ZBTB20: variants seen among roughly 807,000 people sequenced by gnomAD.
ZBTB20 encodes the protein zinc finger and BTB domain-containing protein 20.
ZBTB20 carries 9 observed loss-of-function variants against 56.9 expected under a neutral mutation model. The observed-to-expected ratio is 0.16, with a 90% CI of 0.10 to 0.28. ZBTB20 has a LOEUF of 0.28. ZBTB20 is among the 10% of genes least tolerant of loss of function. The pLI, the probability that ZBTB20 is intolerant of heterozygous loss-of-function variation, is 1.00. For synonymous variants in ZBTB20, 417 were observed against 420.7 expected (o/e 0.99, Z 0.11); for missense variants, 655 against 1,003.0 (o/e 0.65, Z 4.69).
chr3:114,781,503 G>A (rs557011265), intron 5 of ZBTB20, among the ~76,000 whole-genome samples: 1 of 152,264 alleles, frequency 6.6e-6, no homozygotes, highest in African/African-American at 2.4e-5. Flanking sequence ...TTTTATTTCA[G>A]TAGGATTAAT....
At chr3:114,750,620 G>T (rs565403163) in intron 5 of ZBTB20, among the ~76,000 whole-genome samples, 1 of 152,076 alleles carries the variant, frequency 6.6e-6, no homozygotes, top group Non-Finnish European at 1.5e-5. Context: ...AAAATAGGCA[G>T]CTTGGTACTC....
At chr3:114,615,216 T>C (rs2057849096) in intron 6 of ZBTB20, among the ~76,000 whole-genome samples, 1 of 152,234 alleles carries the variant, frequency 6.6e-6, no homozygotes, top group African/African-American at 2.4e-5. Context: ...ATAAATACTA[T>C]TTGACAATTT....
At chr3:114,638,964 C>T (rs938248739) in intron 6 of ZBTB20, among the ~76,000 whole-genome samples, 4 of 152,014 alleles carry the variant, frequency 2.6e-5, no homozygotes, top group Non-Finnish European at 4.4e-5. Context: ...GAGGAACCAG[C>T]GTTTGTCAAA....
intron 6 of ZBTB20, among the ~76,000 whole-genome samples, chr3:114,575,813 A>G (rs116113530): frequency 7.0e-4 from 106 of 152,340 alleles, no homozygotes; most frequent in African/African-American, 2.5e-3. Context: ...GAAGAGGGGT[A>G]GGGCATAAGA....
chr3:114,731,833 A>G (rs1413370844), intron 5 of ZBTB20, among the ~76,000 whole-genome samples: 1 of 152,098 alleles, frequency 6.6e-6, no homozygotes, highest in East Asian at 1.9e-4. Context: ...TAGATTAGTA[A>G]CTAATCCGGC....
intron 2 of ZBTB20, among the ~76,000 whole-genome samples, chr3:115,029,786 G>C (rs1446009504): frequency 6.6e-6 from 1 of 150,664 alleles, no homozygotes; most frequent in Non-Finnish European, 1.5e-5. Flanking sequence ...AACCATAAAA[G>C]AAATAGAAGC....
chr3:114,906,559 A>T (rs974156442), intron 3 of ZBTB20, among the ~76,000 whole-genome samples: 1 of 149,734 alleles, frequency 6.7e-6, no homozygotes, highest in Non-Finnish European at 1.5e-5. Flanking sequence ...GGGGGATTTT[A>T]TATAATATAA....
intron 1 of ZBTB20, among the ~76,000 whole-genome samples, chr3:115,097,677 A>C (rs72945767): frequency 0.021 from 3,238 of 152,250 alleles, 48 homozygotes; most frequent in South Asian, 0.05. Context: ...GACCTGACCA[A>C]GACTTTGGGG....
intron 7 of ZBTB20, among the ~76,000 whole-genome samples, chr3:114,492,220 C>T (rs1187169463): frequency 2.0e-5 from 3 of 152,160 alleles, no homozygotes; most frequent in South Asian, 2.1e-4. Context: ...GATTCATTTA[C>T]CACTATATGT....
chr3:114,803,789 T>G (rs1260084625), intron 4 of ZBTB20, among the ~76,000 whole-genome samples: 1 of 149,994 alleles, frequency 6.7e-6, no homozygotes, highest in African/African-American at 2.4e-5. Flanking sequence ...GTTTTTTTTT[T>G]TTTTTTTAAT....
intron 3 of ZBTB20, among the ~76,000 whole-genome samples, chr3:114,927,968 T>C (rs891599396): frequency 5.3e-5 from 8 of 152,236 alleles, no homozygotes; most frequent in South Asian, 2.1e-4. Context: ...TGTAACACTA[T>C]TAGGTTATAG....
At chr3:114,723,377 CCCAAGCGACAG>C (rs2065047437) in intron 5 of ZBTB20, among the ~76,000 whole-genome samples, 2 of 152,158 alleles carry the variant, frequency 1.3e-5, no homozygotes, top group African/African-American at 4.8e-5. Context: ...ATTTGGATGG[CCCAAGCGACAG>C]CTTTTCAGAG....
intron 5 of ZBTB20, among the ~76,000 whole-genome samples, chr3:114,765,813 C>T (rs1236782258): frequency 1.3e-5 from 2 of 152,016 alleles, no homozygotes; most frequent in Admixed American, 1.3e-4. Flanking sequence ...AATATCGAAA[C>T]AATAAATGAT....
chr3:114,645,873 G>GT (rs1014337378), intron 6 of ZBTB20, among the ~76,000 whole-genome samples: 1 of 152,016 alleles, frequency 6.6e-6, no homozygotes, highest in Non-Finnish European at 1.5e-5. Context: ...TTCATTCTTA[G>GT]TTTTTTGCCA....
At chr3:114,760,432 CT>C (rs954212634) in intron 5 of ZBTB20, among the ~76,000 whole-genome samples, 5 of 152,096 alleles carry the variant, frequency 3.3e-5, no homozygotes, top group African/African-American at 1.2e-4. Context: ...GATGCATCAA[CT>C]ATTTGTAAAG....
chr3:115,047,492 T>C (rs1217515846), intron 2 of ZBTB20, among the ~76,000 whole-genome samples: 2 of 152,210 alleles, frequency 1.3e-5, no homozygotes, highest in Non-Finnish European at 2.9e-5. Flanking sequence ...TCCAGAAAAC[T>C]ATTCACTATT....
chr3:114,542,144 G>A (rs747475622), intron 6 of ZBTB20, among the ~76,000 whole-genome samples: 1 of 152,106 alleles, frequency 6.6e-6, no homozygotes, highest in Admixed American at 6.6e-5. Flanking sequence ...ACTATGGAAT[G>A]CCCAGATAAC....
chr3:114,824,504 T>C (rs1181731677), intron 4 of ZBTB20, among the ~76,000 whole-genome samples: 2 of 151,956 alleles, frequency 1.3e-5, no homozygotes, highest in Admixed American at 1.3e-4. Context: ...CAAACAGGAA[T>C]TCGGTCTTTC....
intron 1 of ZBTB20, among the ~76,000 whole-genome samples, chr3:115,086,982 A>C (rs1056849470): frequency 1.3e-5 from 2 of 151,820 alleles, no homozygotes; most frequent in African/African-American, 4.8e-5. Context: ...TATCAGTGAG[A>C]AGTTGATCCA....
Sources: gnomAD v4.1 joint callset for allele counts (sites outside exome capture counted in the v4.1 genomes callset) on GRCh38, gnomAD v4.1.1 for gene constraint, MANE v1.5 for transcripts, NCBI Gene and HGNC (gene_info 2026-07-23, HGNC 2026-07-21) for gene names.